The following CDH13 variants were observed in gnomAD, a reference collection of about 807,000 sequenced individuals.
CDH13 encodes the protein cadherin-13.
Under a neutral mutation model 63.8 loss-of-function variants are expected in CDH13, and 24 were observed. That is an observed-to-expected ratio of 0.38 (90% CI 0.27 to 0.53). The LOEUF (loss-of-function observed/expected upper bound fraction) is 0.53. Ranked by LOEUF, CDH13 falls within the 20% of genes least tolerant of loss-of-function variation. The pLI is 0.85. For synonymous variants in CDH13, 503 were observed against 355.3 expected, an observed-to-expected ratio of 1.42 and a Z score of -4.67; for missense variants, 1,049 against 903.1, an observed-to-expected ratio of 1.16 and a Z score of -2.07.
intron 3 of CDH13, among the ~76,000 whole-genome samples, chr16:83,042,914 C>T (rs1048563847): frequency 3.3e-5 from 5 of 152,134 alleles, no homozygotes; most frequent in African/African-American, 1.2e-4. Flanking sequence ...ACTTAATATG[C>T]CCTGATTTAA....
At chr16:83,326,555 A>G (rs1467198792) in intron 5 of CDH13, among the ~76,000 whole-genome samples, 4 of 152,062 alleles carry the variant, frequency 2.6e-5, no homozygotes, top group Non-Finnish European at 5.9e-5. Context: ...TTCAGAAGAG[A>G]AGGGAGATGA....
At chr16:83,329,461 T>C (rs1189659601) in intron 5 of CDH13, among the ~76,000 whole-genome samples, 1 of 151,894 alleles carries the variant, frequency 6.6e-6, no homozygotes, top group Admixed American at 6.6e-5. Context: ...GGTCTCGAAC[T>C]CCTGACCTCA....
intron 2 of CDH13, among the ~76,000 whole-genome samples, chr16:82,906,078 C>T (rs1394175444): frequency 6.6e-6 from 1 of 152,164 alleles, no homozygotes; most frequent in Admixed American, 6.5e-5. Context: ...ATCGATCTAT[C>T]TACCTACCTA....
intron 2 of CDH13, among the ~76,000 whole-genome samples, chr16:82,901,323 CCT>C (rs1491096046): frequency 9.8e-6 from 1 of 101,972 alleles, no homozygotes; most frequent in East Asian, 5.0e-4. Context: ...ATAGTATTCT[CCT>C]GTGTGTGTGT....
At chr16:83,751,045 C>G (rs1437907544) in intron 11 of CDH13, among the ~76,000 whole-genome samples, 1 of 151,130 alleles carries the variant, frequency 6.6e-6, no homozygotes, top group Non-Finnish European at 1.5e-5. Flanking sequence ...AGTTGGTCAG[C>G]ATTAGTGGAA....
chr16:83,054,615 A>T (rs1294566486), intron 3 of CDH13, among the ~76,000 whole-genome samples: 1 of 152,194 alleles, frequency 6.6e-6, no homozygotes, highest in Non-Finnish European at 1.5e-5. Flanking sequence ...TAATATTTTC[A>T]GACTGCAATT....
intron 5 of CDH13, among the ~76,000 whole-genome samples, chr16:83,256,137 G>C (rs112702331): frequency 0.098 from 14,891 of 152,162 alleles, 1,046 homozygotes; most frequent in Non-Finnish European, 0.14. Flanking sequence ...GAGCTGAAGT[G>C]AGCCTCCCAC....
At chr16:83,767,949 A>G (rs1179753296) in intron 11 of CDH13, among the ~76,000 whole-genome samples, 1 of 152,216 alleles carries the variant, frequency 6.6e-6, no homozygotes, top group Non-Finnish European at 1.5e-5. Context: ...CTGTAAATGT[A>G]CTAAAAATTA....
intron 8 of CDH13, among the ~76,000 whole-genome samples, chr16:83,620,647 T>C (rs968739289): frequency 6.6e-6 from 1 of 152,122 alleles, no homozygotes; most frequent in African/African-American, 2.4e-5. Flanking sequence ...ATGCTCTCTC[T>C]CACCTAATAC....
intron 5 of CDH13, among the ~76,000 whole-genome samples, chr16:83,277,515 G>T (rs1208621333): frequency 6.6e-6 from 1 of 152,168 alleles, no homozygotes; most frequent in African/African-American, 2.4e-5. Flanking sequence ...TGATCAGTGA[G>T]AATCCCTGAG....
chr16:83,143,699 T>A (rs1432911578), intron 4 of CDH13, among the ~76,000 whole-genome samples: 2 of 152,214 alleles, frequency 1.3e-5, no homozygotes, highest in East Asian at 3.9e-4. Context: ...TAAGCTCCTC[T>A]GCTGGGTGCT....
chr16:82,671,009 C>A (rs1913176563), intron 1 of CDH13, among the ~76,000 whole-genome samples: 1 of 152,148 alleles, frequency 6.6e-6, no homozygotes, highest in African/African-American at 2.4e-5. Flanking sequence ...AACTATGTGT[C>A]ATACACTATG....
intron 5 of CDH13, among the ~76,000 whole-genome samples, chr16:83,220,161 C>T (rs2039654058): frequency 1.3e-5 from 2 of 152,194 alleles, no homozygotes; most frequent in African/African-American, 4.8e-5. Flanking sequence ...TCAGTTCGGT[C>T]ATTGTCCTGT....
At chr16:83,116,969 C>T (rs2035331687) in intron 3 of CDH13, among the ~76,000 whole-genome samples, 1 of 152,200 alleles carries the variant, frequency 6.6e-6, no homozygotes, top group South Asian at 2.1e-4. Context: ...TCATTTCGTT[C>T]TGATAACCTA....
chr16:83,385,491 T>C (rs542233044), intron 6 of CDH13, among the ~76,000 whole-genome samples: 2 of 152,262 alleles, frequency 1.3e-5, no homozygotes, highest in South Asian at 4.1e-4. Flanking sequence ...AACAAGAAAA[T>C]CCCATAATCT....
intron 5 of CDH13, among the ~76,000 whole-genome samples, chr16:83,288,769 C>G (rs1044374192): frequency 2.0e-5 from 3 of 152,192 alleles, no homozygotes; most frequent in Non-Finnish European, 2.9e-5. Context: ...TATTTCTCTG[C>G]AAAACGAGCC....
intron 1 of CDH13, among the ~76,000 whole-genome samples, chr16:82,851,954 G>T (rs922208906): frequency 6.6e-6 from 1 of 152,162 alleles, no homozygotes; most frequent in African/African-American, 2.4e-5. Context: ...TTATGGCAGG[G>T]ATAAAGTAAC....
chr16:82,706,475 T>C (rs1323490818), intron 1 of CDH13, among the ~76,000 whole-genome samples: 3 of 152,072 alleles, frequency 2.0e-5, no homozygotes, highest in African/African-American at 7.2e-5. Flanking sequence ...GTGGTTGGCC[T>C]GGAGAAAAAA....
At chr16:82,792,898 C>T (rs894969360) in intron 1 of CDH13, among the ~76,000 whole-genome samples, 2 of 150,730 alleles carry the variant, frequency 1.3e-5, no homozygotes, top group African/African-American at 2.4e-5. Context: ...AAATGCCTGG[C>T]ACTCTCCCAA....
Sources: allele counts gnomAD v4.1 joint callset (sites outside exome capture counted in the v4.1 genomes callset), GRCh38; gene constraint gnomAD v4.1.1; transcripts MANE v1.5; gene names NCBI Gene and HGNC (gene_info 2026-07-23, HGNC 2026-07-21).